The following NSD2 variants were observed in gnomAD, a reference collection of about 807,000 sequenced individuals.
The protein encoded by NSD2 is nuclear receptor binding SET domain protein 2.
NSD2 carries 12 observed loss-of-function variants against 139.0 expected under a neutral mutation model. The ratio of observed to expected loss-of-function variants is 0.09; its 90% CI spans 0.06 to 0.14. NSD2 has a LOEUF of 0.14. Ranked by LOEUF, NSD2 falls within the 10% of genes least tolerant of loss-of-function variation. NSD2 has a pLI of 1.00. For synonymous variants in NSD2, 669 were observed against 648.7 expected (o/e 1.03, Z -0.48); for missense variants, 1,155 against 1,745.0 (o/e 0.66, Z 6.02).
chr4:1,960,928 A>T, intron 17 of NSD2, 107 bp from the exon 18 acceptor site: 2 of 763,380 alleles, frequency 2.6e-6, no homozygotes, highest in South Asian at 1.7e-5. Flanking sequence ...AGGTATGCTG[A>T]TGTGTGTGGT....
At chr4:1,954,061 C>G (rs1724564194) in intron 12 of NSD2, among the ~76,000 whole-genome samples, 1 of 151,662 alleles carries the variant, frequency 6.6e-6, no homozygotes, top group African/African-American at 2.4e-5. Context: ...TCTCAGCTCA[C>G]TGCAACCTCT....
chr4:1,963,176 C>T (rs1434075912), intron 18 of NSD2, among the ~76,000 whole-genome samples: 2 of 152,162 alleles, frequency 1.3e-5, no homozygotes, highest in East Asian at 1.9e-4. Context: ...CTTTGCAGGG[C>T]TGGAGCAAAA....
At chr4:1,968,759 T>C (rs1726141027) in intron 18 of NSD2, among the ~76,000 whole-genome samples, 1 of 152,174 alleles carries the variant, frequency 6.6e-6, no homozygotes, top group African/African-American at 2.4e-5. Context: ...CAGGCCTTAA[T>C]GTTTGTAGTT....
intron 1 of NSD2, among the ~76,000 whole-genome samples, chr4:1,897,520 A>C (rs981328287): frequency 3.9e-5 from 6 of 152,268 alleles, no homozygotes; most frequent in Admixed American, 3.9e-4. Context: ...GGCAGGGTAC[A>C]GGGGCTCCTG....
rs555914045 is a variant in NSD2, at chr4:1,970,327, C to T, written c.3373-4536C>T. On this transcript the variant is annotated intron_variant, in intron 18 of 21. Coordinates refer to ENST00000508803, the MANE Select transcript of NSD2 (RefSeq NM_001042424.3). Reference sequence around the variant, plus strand: ...TCGGGACAGGGTGGGCTCCTCAGAACGAGCCAGGGGTGTCTATCCAGGCAT... The same window carrying T: ...TCGGGACAGGGTGGGCTCCTCAGAATGAGCCAGGGGTGTCTATCCAGGCAT... Among the ~76,000 whole-genome samples, 11 of 152,314 alleles carry T rather than the reference C, an allele frequency of 7.2e-5. No homozygotes were observed. In the South Asian group the frequency reaches 2.1e-3, roughly 29 times the overall value.
At position 1,918,260 on chromosome 4, in the gene NSD2, G is replaced by A; in HGVS notation, c.1047G>A (p.Val349=). 1 of 1,613,924 alleles carries A rather than the reference G, an allele frequency of 6.2e-7. No homozygotes were observed. Among genetic ancestry groups the A allele is most frequent in the African/African-American group, 1.3e-5 (1 of 74,976 alleles). ...AAGCCAAGTTCACCTTTCTCTATGT[G>A]GGGGACCAGCTTCATCTCAACCCTC... The part of the protein sequence containing the change: ...ERKAKFTFLY[V]GDQLHLNPQV... The change falls in exon 5 of 22, where the codon GTG becomes GTA. Residue 349 remains valine (V), a synonymous_variant. Coordinates refer to ENST00000508803, the MANE Select transcript of NSD2 (RefSeq NM_001042424.3).
chr4:1,938,388 CTTTTTTTCTTTTCTTTTTTTTTTCTTTCT>C, intron 7 of NSD2, 34 bp from the exon 8 acceptor site: 2 of 1,130,134 alleles, frequency 1.8e-6, no homozygotes, highest in South Asian at 5.3e-5. Context: ...TTTTTTTTTC[CTTTTTTTCTTTTCTTTTTTTTTTCTTTCT>C]TTTTTTTTTT....
chr4:1,979,670 T>G lies in NSD2; in HGVS notation c.*761T>G, dbSNP rs1727557100. 4.3e-6 allele frequency: 1 copy of G among 232,498 alleles called. No individual in the cohort carries two copies. Among genetic ancestry groups the G allele is most frequent in the Non-Finnish European group, 8.5e-6 (1 of 117,632 alleles). The allele number at this position is 232,498 out of a possible 1,614,324, so 14.4% of individuals were successfully genotyped here. The stretch of plus-strand genomic sequence containing the variant: ...GCCTACTTCTCACCTGGGCCTATCT[T>G]CTGAACTCGCTAGGTTCTTATCAAC... On this transcript the variant is annotated 3_prime_UTR_variant, in exon 22 of 22. Transcript: ENST00000508803.
chr4:1,954,863 A>G (rs542108257), intron 12 of NSD2, among the ~76,000 whole-genome samples: 114 of 152,262 alleles, frequency 7.5e-4, no homozygotes, highest in African/African-American at 2.6e-3. Context: ...CCTGGCATCT[A>G]GTGAGTAGAG....
At position 1,957,398 on chromosome 4, in the gene NSD2, C is replaced by T. The variant is rs186120998; in HGVS notation, c.2882-535C>T. Among the ~76,000 whole-genome samples, 614 of 151,724 alleles carry T rather than the reference C, an allele frequency of 4.0e-3. 3 individuals carry two copies. Among genetic ancestry groups the T allele is most frequent in the Middle Eastern group, 0.027 (8 of 294 alleles). The stretch of plus-strand genomic sequence containing the variant: ...TCCTGGGTTCAAGCAATTCTCCTGC[C>T]TCAGTCTCCCAAGTAGCTGGGACCA... On this transcript the variant is annotated intron_variant, in intron 15 of 21. Transcript: ENST00000508803.
intron 18 of NSD2, among the ~76,000 whole-genome samples, chr4:1,963,298 A>C (rs1247672224): frequency 1.3e-5 from 2 of 152,108 alleles, no homozygotes; most frequent in Non-Finnish European, 2.9e-5. Context: ...TCATGTGGGG[A>C]CCAGTGATAA....
chr4:1,915,530 T>C (rs747112223), intron 3 of NSD2, among the ~76,000 whole-genome samples: 5 of 152,202 alleles, frequency 3.3e-5, no homozygotes, highest in Non-Finnish European at 7.4e-5. Flanking sequence ...CCTTGCCTTA[T>C]GTCTGTGGCC....
chr4:1,965,332 A>G (rs1217408630), intron 18 of NSD2, among the ~76,000 whole-genome samples: 4 of 152,224 alleles, frequency 2.6e-5, no homozygotes, highest in Admixed American at 1.3e-4. Context: ...AGCCTGAGAA[A>G]CAGAAAAGAA....
intron 1 of NSD2, among the ~76,000 whole-genome samples, chr4:1,882,349 C>T (rs907529969): frequency 7.9e-5 from 12 of 152,102 alleles, no homozygotes; most frequent in Non-Finnish European, 1.3e-4. Context: ...TGGAAACAAA[C>T]GGATATGTAC....
intron 12 of NSD2, chr4:1,954,829 CTG>C: frequency 4.5e-6 from 1 of 219,992 alleles, no homozygotes; most frequent in Non-Finnish European, 9.0e-6. Flanking sequence ...TTGGCAATGT[CTG>C]GGGATATTTT....
chr4:1,970,595 G>GT (rs1324973143), intron 18 of NSD2, among the ~76,000 whole-genome samples: 1 of 152,178 alleles, frequency 6.6e-6, no homozygotes, highest in Non-Finnish European at 1.5e-5. Context: ...AGAAAGGAGG[G>GT]TAAGTTCACC....
At chr4:1,957,539 C>T (rs371056465) in intron 15 of NSD2, among the ~76,000 whole-genome samples, 33 of 151,494 alleles carry the variant, frequency 2.2e-4, no homozygotes, top group African/African-American at 7.3e-4. Flanking sequence ...CCGCCTGCCT[C>T]GGCCTCCCAA....
intron 1 of NSD2, among the ~76,000 whole-genome samples, chr4:1,878,239 A>ATGTATG (rs1714413701): frequency 3.0e-5 from 1 of 33,332 alleles, no homozygotes; most frequent in African/African-American, 1.3e-4. Flanking sequence ...ATATATATAT[A>ATGTATG]TATATATATA....
chr4:1,941,453 G>A, intron 9 of NSD2: 9 of 1,047,544 alleles, frequency 8.6e-6, no homozygotes, highest in Non-Finnish European at 1.0e-5. Flanking sequence ...CGGGGTCGAG[G>A]CCTGCCCATG....
Sources: allele counts gnomAD v4.1 joint callset (sites outside exome capture counted in the v4.1 genomes callset), GRCh38; gene constraint gnomAD v4.1.1; transcripts MANE v1.5; gene names NCBI Gene and HGNC (gene_info 2026-07-23, HGNC 2026-07-21).